Variants in AVIL observed in about 807,000 individuals in gnomAD.
AVIL encodes advillin.
Under a neutral mutation model 109.9 loss-of-function variants are expected in AVIL, and 78 were observed. The observed-to-expected ratio is 0.71, with a 90% CI of 0.59 to 0.86. AVIL has a LOEUF of 0.86. Ranked by LOEUF, AVIL falls within the 40% of genes least tolerant of loss-of-function variation. The pLI is 0.00. For missense variants in AVIL, 892 were observed against 1,016.5 expected, an observed-to-expected ratio of 0.88 and a Z score of 1.67; for synonymous variants, 367 against 379.1, an observed-to-expected ratio of 0.97 and a Z score of 0.37.
At chr12:57,805,620 G>T in intron 14 of AVIL, among the ~76,000 whole-genome samples, 1 of 148,464 alleles carries the variant, frequency 6.7e-6, no homozygotes, top group Middle Eastern at 3.7e-3. Context: ...CGCAACCTCC[G>T]TCTACTGGGT....
chr12:57,802,382 G>A (rs1233605115), intron 16 of AVIL, 34 bp from the exon 17 acceptor site: 67 of 1,573,554 alleles, frequency 4.3e-5, no homozygotes, highest in Non-Finnish European at 5.8e-5. Flanking sequence ...ATGTTACTGT[G>A]TTCATACCAA....
intron 1 of AVIL, among the ~76,000 whole-genome samples, chr12:57,817,185 C>T (rs1443207421): frequency 6.6e-6 from 1 of 151,908 alleles, no homozygotes; most frequent in East Asian, 1.9e-4. Context: ...ATTAATTTCT[C>T]CCAAGAGGCA....
chr12:57,818,435 C>T (rs1026137858), intron 1 of AVIL, among the ~76,000 whole-genome samples, 194 bp downstream of exon 1: 4 of 151,934 alleles, frequency 2.6e-5, no homozygotes, highest in Admixed American at 1.3e-4. Context: ...TGAAAATGTG[C>T]CCTATATGTT....
chr12:57,815,657 G>T (rs1956093299), intron 2 of AVIL: 2 of 1,347,290 alleles, frequency 1.5e-6, no homozygotes, highest in Admixed American at 2.3e-5. Flanking sequence ...CCAGGAGTCT[G>T]CTGAGTAGGT....
chr12:57,802,880 TCTTA>T (rs1955878421), intron 16 of AVIL: 8 of 541,180 alleles, frequency 1.5e-5, no homozygotes, highest in Non-Finnish European at 2.6e-5. Flanking sequence ...CCACAGTAGC[TCTTA>T]CTTGACCATG....
intron 19 of AVIL, among the ~76,000 whole-genome samples, chr12:57,798,638 A>ACAGATTCTTGCTTTGTGGCC (rs1300932090): frequency 6.7e-6 from 1 of 148,612 alleles, no homozygotes; most frequent in Non-Finnish European, 1.5e-5. Context: ...TTTTTTTGAG[A>ACAGATTCTTGCTTTGTGGCC]CAGATTCTTG....
intron 19 of AVIL, 103 bp downstream of exon 19, chr12:57,799,692 G>C: frequency 6.6e-7 from 1 of 1,510,356 alleles, no homozygotes; most frequent in Non-Finnish European, 8.9e-7. Flanking sequence ...TGTCCATTGA[G>C]CGGCTACAAT....
intron 4 of AVIL, 104 bp from the exon 5 acceptor site, chr12:57,811,231 A>G (rs2140456391): frequency 1.9e-6 from 2 of 1,080,768 alleles, no homozygotes; most frequent in Non-Finnish European, 2.7e-6. Flanking sequence ...TGATGACAGT[A>G]CATCAGCAAG....
At chr12:57,813,924 G>A (rs992950060) in intron 3 of AVIL, among the ~76,000 whole-genome samples, 8 of 152,164 alleles carry the variant, frequency 5.3e-5, no homozygotes, top group African/African-American at 1.7e-4. Context: ...GTGGCTCACT[G>A]AGGTTCAGAC....
chr12:57,801,215 G>A lies in AVIL; in HGVS notation c.2152-3C>T. The A allele has an allele frequency of 1.9e-6, 3 of 1,612,132 alleles. No homozygotes were observed. The highest frequency in any genetic ancestry group is 3.3e-4 in the Middle Eastern group (2 of 6,056). On this transcript the variant is annotated splice_polypyrimidine_tract_variant and splice_region_variant and intron_variant, in intron 17 of 19. Coordinates refer to ENST00000549994, the MANE Select transcript of AVIL (RefSeq NM_006576.4). ...AATTGTTCATATGTTTTTCCTGCCT[G>A]AGAAGAAGAGAGAGAAAACACAGGA...
intron 19 of AVIL, among the ~76,000 whole-genome samples, chr12:57,798,582 ACTT>A (rs1292122089): frequency 6.6e-6 from 1 of 151,878 alleles, no homozygotes; most frequent in African/African-American, 2.4e-5. Flanking sequence ...GCCTAAATCA[ACTT>A]CTTCAAGGGG....
intron 14 of AVIL, 141 bp downstream of exon 14, chr12:57,806,219 G>A: frequency 2.7e-6 from 2 of 735,154 alleles, no homozygotes; most frequent in Non-Finnish European, 4.5e-6. Context: ...AATCTTCTCT[G>A]TATCATTCCA....
chr12:57,817,718 G>A (rs764417166), intron 1 of AVIL, among the ~76,000 whole-genome samples: 9 of 152,206 alleles, frequency 5.9e-5, no homozygotes, highest in Non-Finnish European at 7.4e-5. Flanking sequence ...AACCTGTCCC[G>A]TTTCCCAGCA....
At chr12:57,808,070 T>G in intron 11 of AVIL, 124 bp downstream of exon 11, 1 of 1,134,652 alleles carries the variant, frequency 8.8e-7, no homozygotes, top group Non-Finnish European at 1.3e-6. Flanking sequence ...TAAAGAAGAC[T>G]CCTGAGGTGC....
In AVIL at chr12:57,803,335, G is replaced by A. The variant is rs141510587; in HGVS notation, c.1874C>T (p.Thr625Ile). The A allele has an allele frequency of 1.2e-6, 2 of 1,614,014 alleles. No individual in the cohort carries two copies. Among genetic ancestry groups the A allele is most frequent in the African/African-American group, 1.3e-5 (1 of 74,896 alleles). The change falls in exon 16 of 20, where the codon ACC (threonine) becomes ATC (isoleucine). Residue 625 changes from threonine (T) to isoleucine (I), a missense_variant. By Grantham distance (89) the Thr-to-Ile change is moderately conservative. Coordinates refer to ENST00000549994, the MANE Select transcript of AVIL (RefSeq NM_006576.4). ...GATCTCAGTGACAACGAATTGGCCG[G>A]TCTTATTGGAACATTCAAAGAGACG... ...QSRLFECSNK[T>I]GQFVVTEITD...
At chr12:57,814,817 C>G (rs1294942683) in intron 2 of AVIL, 1 of 152,702 alleles carries the variant, frequency 6.5e-6, no homozygotes, top group Non-Finnish European at 1.5e-5. Context: ...GTTCACACAG[C>G]CTTGATGTAG....
rs1322407696 is a variant in AVIL, at chr12:57,813,303, C to T, written c.262G>A (p.Gly88Ser). 6.2e-7 allele frequency: 1 copy of T among 1,614,072 alleles called. No homozygotes were observed. Residue 88 changes from glycine to serine, a missense_variant, in exon 4 of 20, where the codon GGC (glycine) becomes AGC (serine). Physicochemically the swap from Gly to Ser is moderately conservative, Grantham distance 56 (BLOSUM62 0). Coordinates refer to ENST00000549994, the MANE Select transcript of AVIL (RefSeq NM_006576.4). ...ACCTCTCGGTGCTGCACAGGGCTGC[C>T]TCCCAGGTAGTCGTCCAGCTGTGTG... is the stretch of plus-strand genomic sequence containing the variant. The part of the protein sequence containing the change: ...YTTQLDDYLG[G>S]SPVQHREVQY...
At position 57,810,554 on chromosome 12, in the gene AVIL, G is replaced by C. The variant is rs1348763379; in HGVS notation, c.559-3C>G. 2.5e-6 allele frequency: 4 copies of C among 1,612,832 alleles called. No homozygotes were observed. Among genetic ancestry groups the C allele is most frequent in the Non-Finnish European group, 2.5e-6 (3 of 1,180,002 alleles). ...ATATCCTTTGCCAGAAGCATAGCCT[G>C]TCAAAGAAGCCCAAGGAAGCCCTCA... On this transcript the variant is annotated splice_region_variant and splice_polypyrimidine_tract_variant and intron_variant, in intron 6 of 19. Coordinates refer to ENST00000549994, the MANE Select transcript of AVIL (RefSeq NM_006576.4).
Position 57,806,452 on chromosome 12 carries a change from C to T in AVIL, c.1579G>A (p.Ala527Thr), listed in dbSNP as rs1330173504. The T allele has an allele frequency of 6.2e-7, 1 of 1,614,110 alleles. No individual in the cohort carries two copies. The highest frequency in any genetic ancestry group is 1.1e-5 in the South Asian group (1 of 91,082). ...GAGGCAAAGGCTGGAACTTCCACTGCTTTGGTGTTAGATTTGTCATTTCCA... is the reference window on the plus strand; with the variant it reads ...GAGGCAAAGGCTGGAACTTCCACTGTTTTGGTGTTAGATTTGTCATTTCCA... ...IHGNDKSNTK[A>T]VEVPAFASSL... The change falls in exon 14 of 20, where the codon GCA becomes ACA. Residue 527 changes from alanine to threonine, a missense_variant. Ala to Thr is a moderately conservative substitution (Grantham distance 58). Transcript: ENST00000549994.
Sources: allele counts gnomAD v4.1 joint callset (sites outside exome capture counted in the v4.1 genomes callset), GRCh38; gene constraint gnomAD v4.1.1; transcripts MANE v1.5; gene names NCBI Gene and HGNC (gene_info 2026-07-23, HGNC 2026-07-21).